Variants in RCBTB2 observed in about 807,000 individuals in gnomAD.
RCBTB2 encodes RCC1 and BTB domain containing protein 2.
RCBTB2 carries 55 observed loss-of-function variants against 65.4 expected under a neutral mutation model. The observed-to-expected ratio is 0.84, with a 90% CI of 0.68 to 1.05. The LOEUF (loss-of-function observed/expected upper bound fraction) is 1.05, where lower values mean the gene tolerates loss of function less well. Among genes scored for constraint, RCBTB2 ranks in the 50% least tolerant of loss-of-function variants. RCBTB2 has a pLI of 0.00. For synonymous variants in RCBTB2, 220 were observed against 255.2 expected (o/e 0.86, Z 1.31); for missense variants, 599 against 680.1 (o/e 0.88, Z 1.33).
At chr13:48,522,269 G>A (rs1164416570) in intron 3 of RCBTB2, 39 bp downstream of exon 3, 1 of 1,277,334 alleles carries the variant, frequency 7.8e-7, no homozygotes, top group Non-Finnish European at 1.1e-6. Flanking sequence ...TTTCATTTCA[G>A]AGTTGACTTC....
chr13:48,493,313 A>ACTCTCTCTCTCCCTCT (rs1213235186), intron 14 of RCBTB2, among the ~76,000 whole-genome samples: 1 of 60,060 alleles, frequency 1.7e-5, no homozygotes. Flanking sequence ...ACACACACAC[A>ACTCTCTCTCTCCCTCT]CACTCTCTCT....
chr13:48,518,576 T>A (rs1951236488), intron 4 of RCBTB2, among the ~76,000 whole-genome samples: 2 of 149,952 alleles, frequency 1.3e-5, no homozygotes, highest in Non-Finnish European at 3.0e-5. Context: ...CAAAAAAAAA[T>A]CTCACATATG....
At position 48,490,202 on chromosome 13, in the gene RCBTB2, A is replaced by T. The variant is rs777310290; in HGVS notation, c.1565T>A (p.Val522Glu). ...TTCTGCAAAACCTGATGTTTGTGTT[A>T]CTACAGTCAGATGGTTTATGCAAAA... ...FRFCINHLTV[V>E]TQTSGFAEMD... The change falls in exon 15 of 15, where the codon GTA (valine) becomes GAA (glutamate). Residue 522 changes from valine (V) to glutamate (E), a missense_variant. Transcript: ENST00000344532. The T allele has an allele frequency of 1.9e-6, 3 of 1,613,684 alleles. No homozygotes were observed. The South Asian group carries it at 3.3e-5, about 18-fold the overall frequency.
chr13:48,515,341 G>A lies in RCBTB2; in HGVS notation c.213C>T (p.Gly71=), dbSNP rs750287913. The A allele has an allele frequency of 1.9e-6, 3 of 1,613,100 alleles. No individual in the cohort carries two copies. The highest frequency in any genetic ancestry group is 1.7e-5 in the Admixed American group (1 of 59,714). The change falls in exon 6 of 15, where the codon GGC becomes GGT. Residue 71 remains glycine, a synonymous_variant. Transcript: ENST00000344532. ...ACCCCAAACAGCCACAGCAGTTTGT[G>A]CCAAGCACAAAAATCTATGGGAAAA... ...TTVNDEIFVL[G]TNCCGCLGLG...
chr13:48,502,952 C>CA (rs9332043), intron 10 of RCBTB2, 38 bp from the exon 11 acceptor site: 492,679 of 1,520,538 alleles, frequency 0.32, 91,808 homozygotes, highest in African/African-American at 0.85. Context: ...GCACAGTGAC[C>CA]GGGGCAGAAA....
chr13:48,503,052 A>C, intron 10 of RCBTB2, 138 bp from the exon 11 acceptor site: 1 of 872,410 alleles, frequency 1.1e-6, no homozygotes, highest in Non-Finnish European at 1.7e-6. Context: ...ACAAAACAAA[A>C]CAAACCACCA....
intron 12 of RCBTB2, among the ~76,000 whole-genome samples, chr13:48,500,605 G>A (rs1950191796): frequency 6.6e-6 from 1 of 152,156 alleles, no homozygotes; most frequent in Admixed American, 6.5e-5. Context: ...CATGCACAAA[G>A]GGAGAATGCC....
chr13:48,533,122 CTGAAACGGCCCGGCCTCGGCGGGA>C, upstream of RCBTB2: 1 of 426,212 alleles, frequency 2.3e-6, no homozygotes, highest in Non-Finnish European at 4.8e-6. Context: ...GCGCCTCCCC[CTGAAACGGCCCGGCCTCGGCGGGA>C]TGCGCTCGGG....
At chr13:48,517,133 A>G (rs1951134981) in intron 4 of RCBTB2, among the ~76,000 whole-genome samples, 2 of 152,280 alleles carry the variant, frequency 1.3e-5, no homozygotes, top group South Asian at 4.1e-4. Flanking sequence ...TCTCAAGTCC[A>G]CACTATTAAC....
chr13:48,520,415 A>G (rs138141288), intron 4 of RCBTB2, among the ~76,000 whole-genome samples: 1 of 152,330 alleles, frequency 6.6e-6, no homozygotes, highest in East Asian at 1.9e-4. Flanking sequence ...GAGCATGGCA[A>G]TATGGTGTCC....
chr13:48,517,852 A>C (rs1210185851), intron 4 of RCBTB2, among the ~76,000 whole-genome samples: 2 of 152,144 alleles, frequency 1.3e-5, no homozygotes, highest in African/African-American at 4.8e-5. Context: ...TTTGTTTGGA[A>C]ATAGGGTCTT....
At chr13:48,501,696 G>A in intron 12 of RCBTB2, 46 bp downstream of exon 12, 1 of 1,534,050 alleles carries the variant, frequency 6.5e-7, no homozygotes. Flanking sequence ...GAATATAATT[G>A]TTGAACGAAT....
chr13:48,512,974 C>T lies in RCBTB2; in HGVS notation c.350-79G>A, dbSNP rs1950889856. 3 of 1,167,784 alleles carry T rather than the reference C, an allele frequency of 2.6e-6. No homozygotes were observed. In the South Asian group the frequency reaches 5.0e-5, roughly 19 times the overall value. The allele number at this position is 1,167,784 out of a possible 1,614,324, so 72.3% of individuals were successfully genotyped here. On this transcript the variant is annotated intron_variant, in intron 6 of 14. Coordinates refer to ENST00000344532, the MANE Select transcript of RCBTB2 (RefSeq NM_001268.4). Reference sequence around the variant, plus strand: ...GAAAATATATGTAGCACAGCTTCCACAAATGAAATCTAAAAATTCAGGTGC... The same window carrying T: ...GAAAATATATGTAGCACAGCTTCCATAAATGAAATCTAAAAATTCAGGTGC...
rs574023153 is a variant in RCBTB2, at chr13:48,533,060, C to A, written c.-251G>T. On this transcript the variant is annotated 5_prime_UTR_variant, in exon 1 of 15. In the 5' UTR this introduces an upstream ATG that the reference lacks. Coordinates refer to ENST00000344532, the MANE Select transcript of RCBTB2 (RefSeq NM_001268.4). ...CAGGCCGGAGCCTTGTCCGCTCCGC[C>A]TCCTGGGTAGCGGTTACTGCACGGT... 1.1e-5 allele frequency: 5 copies of A among 454,646 alleles called. No individual in the cohort carries two copies. The highest frequency in any genetic ancestry group is 7.7e-5 in the South Asian group (5 of 64,530). 28.2% of individuals were successfully genotyped at this position (454,646 alleles called of 1,614,324 possible). A position where few individuals can be genotyped will look rare whatever the true frequency, so the allele number is the denominator to read the frequency against.
In RCBTB2 at chr13:48,490,169, T is replaced by A; in HGVS notation, c.1598A>T (p.His533Leu). The A allele has an allele frequency of 6.2e-7, 1 of 1,614,136 alleles. No homozygotes were observed. Among genetic ancestry groups the A allele is most frequent in the Non-Finnish European group, 8.5e-7 (1 of 1,179,964 alleles). Residue 533 changes from histidine to leucine, a missense_variant, in exon 15 of 15, where the codon CAT (histidine) becomes CTT (leucine). Physicochemically the swap from His to Leu is moderately conservative, Grantham distance 99. Coordinates refer to ENST00000344532, the MANE Select transcript of RCBTB2 (RefSeq NM_001268.4). ...TQTSGFAEMDHDLLKNFISKA... is the reference protein window; with the variant it reads ...TQTSGFAEMDLDLLKNFISKA... ...GCTGATAAAGTTCTTCAGGAGATCA[T>A]GGTCCATTTCTGCAAAACCTGATGT...
intron 4 of RCBTB2, among the ~76,000 whole-genome samples, chr13:48,518,047 G>A (rs991567311): frequency 3.9e-5 from 6 of 152,190 alleles, no homozygotes; most frequent in Non-Finnish European, 8.8e-5. Flanking sequence ...GATTGCTGGG[G>A]GCCACCACCA....
chr13:48,512,182 A>C lies in RCBTB2; in HGVS notation c.517-8T>G, dbSNP rs1457842534. 3 of 1,608,858 alleles carry C rather than the reference A, an allele frequency of 1.9e-6. No individual in the cohort carries two copies. The African/African-American group carries it at 4.0e-5, about 21-fold the overall frequency. Reference sequence around the variant, plus strand: ...ATAACCCCAGGCAAATACCTGTTTAAAGGAAAGATCAGTAAATGAAACAGA... The same window carrying C: ...ATAACCCCAGGCAAATACCTGTTTACAGGAAAGATCAGTAAATGAAACAGA... On this transcript the variant is annotated splice_region_variant and splice_polypyrimidine_tract_variant and intron_variant, in intron 7 of 14. Transcript: ENST00000344532.
rs114037359 is a variant in RCBTB2, at chr13:48,520,554, C to T, written c.42+1344G>A. Reference sequence around the variant, plus strand: ...ACATCTAGTCCACCTCCCCTTCCTTCAAGACCTGGCATCTGTTTGAGAAAT... The same window carrying T: ...ACATCTAGTCCACCTCCCCTTCCTTTAAGACCTGGCATCTGTTTGAGAAAT... On this transcript the variant is annotated intron_variant, in intron 4 of 14. Coordinates refer to ENST00000344532, the MANE Select transcript of RCBTB2 (RefSeq NM_001268.4). Among the ~76,000 whole-genome samples, 1,501 of 152,320 alleles carry T rather than the reference C, an allele frequency of 9.9e-3. 35 individuals carry two copies. The highest frequency in any genetic ancestry group is 0.034 in the African/African-American group (1,423 of 41,556).
intron 1 of RCBTB2, chr13:48,532,790 T>C: frequency 3.2e-6 from 1 of 316,060 alleles, no homozygotes. Flanking sequence ...CGGCCTGGGC[T>C]GGGTGTAGCC....
Sources: allele counts gnomAD v4.1 joint callset (sites outside exome capture counted in the v4.1 genomes callset), GRCh38; gene constraint gnomAD v4.1.1; transcripts MANE v1.5; gene names NCBI Gene and HGNC (gene_info 2026-07-23, HGNC 2026-07-21).